Variants in CCDC187 observed in about 807,000 individuals in gnomAD.
CCDC187 encodes the protein coiled-coil domain containing 187.
CCDC187 carries 32 observed loss-of-function variants against 38.0 expected under a neutral mutation model. The ratio of observed to expected loss-of-function variants is 0.84; its 90% CI spans 0.64 to 1.13. CCDC187 has a LOEUF of 1.13. CCDC187 is among the 50% of genes most tolerant of loss of function. The probability of loss-of-function intolerance (pLI) is 0.00; values close to 1 mark genes in which losing one functional copy is unlikely to be tolerated. For synonymous variants in CCDC187, 333 were observed against 347.9 expected, an observed-to-expected ratio of 0.96 and a Z score of 0.48; for missense variants, 707 against 786.8, an observed-to-expected ratio of 0.90 and a Z score of 1.21.
In CCDC187 at chr9:136,256,264, C is replaced by T. The variant is rs755126055; in HGVS notation, c.4563G>A (p.Glu1521=). Residue 1521 remains glutamate (E), a synonymous_variant, in exon 24 of 26, where the codon GAG becomes GAA. Transcript: ENST00000638797. The part of the protein sequence containing the change: ...EGLESGLDFA[E]SPVEESQETE... ...TTTCCTGGGACTCCTCCACGGGGCT[C>T]TCAGCAAAATCCAGCCCCGATTCCA... 361 of 985,514 alleles carry T rather than the reference C, an allele frequency of 3.7e-4. No homozygotes were observed. The highest frequency in any genetic ancestry group is 4.3e-4 in the Non-Finnish European group (356 of 830,098). 61.0% of individuals were successfully genotyped at this position (985,514 alleles called of 1,614,324 possible). A position where few individuals can be genotyped will look rare whatever the true frequency, so the allele number is the denominator to read the frequency against.
At chr9:136,302,376 C>A (rs1348884504) in intron 2 of CCDC187, among the ~76,000 whole-genome samples, 3 of 151,634 alleles carry the variant, frequency 2.0e-5, no homozygotes, top group African/African-American at 4.9e-5. Context: ...ACAAGACCCC[C>A]CCACCACACT....
Position 136,276,716 on chromosome 9 carries a change from C to CT in CCDC187, c.3051_3052insA (p.Asp1018ArgfsTer136), listed in dbSNP as rs1830936994. On this transcript the variant is annotated frameshift_variant, in exon 11 of 26. Transcript: ENST00000638797. LOFTEE classifies it high-confidence loss of function. ...TTGGGAAGGCATCTCACACATGGGTCCTCCTGCTGACCTGTGGAACCATGG... is the reference window on the plus strand; with the variant it reads ...TTGGGAAGGCATCTCACACATGGGTCTCTCCTGCTGACCTGTGGAACCATGG... The CT allele has an allele frequency of 1.8e-4, 28 of 152,326 alleles. No homozygotes were observed. Among genetic ancestry groups the CT allele is most frequent in the Admixed American group, 1.6e-3 (25 of 15,306 alleles). The allele number at this position is 152,326 out of a possible 1,614,324, so 9.4% of individuals were successfully genotyped here.
At chr9:136,296,896 T>G (rs1473224349) in intron 4 of CCDC187, among the ~76,000 whole-genome samples, 10 of 152,264 alleles carry the variant, frequency 6.6e-5, no homozygotes, top group African/African-American at 2.4e-4. Flanking sequence ...TGCAAGCACA[T>G]GGCTGACTCA....
chr9:136,305,972 C>G (rs1220009796), upstream of CCDC187, among the ~76,000 whole-genome samples: 1 of 152,222 alleles, frequency 6.6e-6, no homozygotes, highest in Non-Finnish European at 1.5e-5. Context: ...TGTCCAGGAC[C>G]CTCTGCCGAT....
intron 18 of CCDC187, among the ~76,000 whole-genome samples, chr9:136,263,128 G>T (rs1158627532): frequency 4.0e-5 from 6 of 151,410 alleles, no homozygotes; most frequent in Non-Finnish European, 5.9e-5. Flanking sequence ...CTAGGGCCTG[G>T]CCAGGACCAC....
chr9:136,293,241 A>T (rs1486360940), intron 4 of CCDC187, among the ~76,000 whole-genome samples: 1 of 144,476 alleles, frequency 6.9e-6, no homozygotes, highest in African/African-American at 2.8e-5. Context: ...ACACGCTCAC[A>T]CTCACATGCT....
At chr9:136,292,091 C>G (rs1023293532) in intron 5 of CCDC187, 70 bp downstream of exon 5, 8 of 398,496 alleles carry the variant, frequency 2.0e-5, no homozygotes, top group Non-Finnish European at 3.1e-5. Flanking sequence ...GCCTGGGTGT[C>G]TCCTTCTCTG....
At chr9:136,288,789 C>A (rs1270065295) in intron 7 of CCDC187, among the ~76,000 whole-genome samples, 1 of 152,220 alleles carries the variant, frequency 6.6e-6, no homozygotes, top group African/African-American at 2.4e-5. Context: ...CAGAAAAGAA[C>A]CTAAAAGTAA....
intron 7 of CCDC187, among the ~76,000 whole-genome samples, chr9:136,288,352 G>T (rs1474172034): frequency 6.6e-6 from 1 of 152,196 alleles, no homozygotes. Flanking sequence ...CCTGCAGAGA[G>T]GGGTGGGAGC....
intron 15 of CCDC187, 196 bp from the exon 16 acceptor site, chr9:136,267,707 A>G: frequency 1.1e-6 from 1 of 886,618 alleles, no homozygotes; most frequent in Non-Finnish European, 1.4e-6. Flanking sequence ...CCCGACTGTG[A>G]GCTGGCGGGG....
intron 16 of CCDC187, chr9:136,266,273 T>G (rs1358469114): frequency 3.3e-5 from 5 of 153,748 alleles, no homozygotes; most frequent in Admixed American, 1.3e-4. Context: ...CTTTTGGACT[T>G]TTGGGTCTAA....
intron 2 of CCDC187, among the ~76,000 whole-genome samples, 158 bp from the exon 3 acceptor site, chr9:136,300,476 C>T (rs1473236205): frequency 6.6e-6 from 1 of 152,242 alleles, no homozygotes; most frequent in Non-Finnish European, 1.5e-5. Flanking sequence ...TGCAATGGCG[C>T]AATCTCAGCT....
chr9:136,291,956 C>T (rs1291963801), intron 5 of CCDC187, among the ~76,000 whole-genome samples: 1 of 152,238 alleles, frequency 6.6e-6, no homozygotes, highest in Non-Finnish European at 1.5e-5. Flanking sequence ...GGGCCAGAAA[C>T]CCTTTTCTCA....
chr9:136,273,427 A>G (rs1554762689), intron 14 of CCDC187, among the ~76,000 whole-genome samples: 1 of 152,244 alleles, frequency 6.6e-6, no homozygotes, highest in African/African-American at 2.4e-5. Context: ...GGCTAAGAGG[A>G]TTATTGCATC....
intron 18 of CCDC187, 82 bp downstream of exon 18, chr9:136,263,540 C>T: frequency 1.0e-6 from 1 of 957,654 alleles, no homozygotes; most frequent in Non-Finnish European, 1.2e-6. Context: ...GGCCCACAGG[C>T]ATTTTTACAA....
At chr9:136,271,358 C>G (rs1830836688) in intron 14 of CCDC187, among the ~76,000 whole-genome samples, 1 of 151,510 alleles carries the variant, frequency 6.6e-6, no homozygotes, top group African/African-American at 2.4e-5. Context: ...CCTGTCTCTA[C>G]AAAAATACAA....
chr9:136,298,386 G>A (rs1010023901), intron 3 of CCDC187, among the ~76,000 whole-genome samples: 4 of 152,210 alleles, frequency 2.6e-5, no homozygotes, highest in East Asian at 1.9e-4. Context: ...TGGAGAGCCC[G>A]AGGGGGCGGA....
intron 18 of CCDC187, among the ~76,000 whole-genome samples, chr9:136,262,874 G>C (rs1830695782): frequency 6.6e-6 from 1 of 152,134 alleles, no homozygotes. Context: ...AAGGCACATA[G>C]CTTGCCTGGG....
At chr9:136,306,018 C>T (rs1015152946), upstream of CCDC187, among the ~76,000 whole-genome samples, 2 of 152,224 alleles carry the variant, frequency 1.3e-5, no homozygotes, top group African/African-American at 2.4e-5. Context: ...ACAGCCTGCA[C>T]CGGCTGGCGC....
Sources: allele counts gnomAD v4.1 joint callset (sites outside exome capture counted in the v4.1 genomes callset), GRCh38; gene constraint gnomAD v4.1.1; transcripts MANE v1.5; gene names NCBI Gene and HGNC (gene_info 2026-07-23, HGNC 2026-07-21).